Variants in ATG10 observed in about 807,000 individuals in gnomAD.
ATG10 encodes the protein ubiquitin-like-conjugating enzyme ATG10.
ATG10 carries 30 observed loss-of-function variants against 32.1 expected under a neutral mutation model. The observed-to-expected ratio is 0.94, with a 90% CI of 0.70 to 1.27. ATG10 has a LOEUF of 1.27. ATG10 is among the 50% of genes most tolerant of loss of function. The probability of loss-of-function intolerance (pLI) is 0.00; values close to 1 mark genes in which losing one functional copy is unlikely to be tolerated. For synonymous variants in ATG10, 87 were observed against 91.5 expected (o/e 0.95, Z 0.28); for missense variants, 233 against 262.3 (o/e 0.89, Z 0.77).
chr5:82,115,029 T>G (rs1175915097), intron 3 of ATG10, among the ~76,000 whole-genome samples: 2 of 152,098 alleles, frequency 1.3e-5, no homozygotes, highest in African/African-American at 4.8e-5. Context: ...TAAATAGTCA[T>G]GTGTGACTAG....
At chr5:82,158,671 G>A (rs146097207) in intron 3 of ATG10, among the ~76,000 whole-genome samples, 1,681 of 151,996 alleles carry the variant, frequency 0.011, 14 homozygotes, top group Non-Finnish European at 0.014. Context: ...CCAATCCCCC[G>A]TGTATACCTA....
intron 3 of ATG10, among the ~76,000 whole-genome samples, chr5:82,116,326 T>A (rs1765808511): frequency 6.6e-6 from 1 of 152,118 alleles, no homozygotes; most frequent in Non-Finnish European, 1.5e-5. Flanking sequence ...TAATTATGAT[T>A]ATTCAAGTAA....
chr5:82,211,656 C>T (rs994846953), intron 5 of ATG10, among the ~76,000 whole-genome samples: 2 of 152,244 alleles, frequency 1.3e-5, no homozygotes, highest in African/African-American at 4.8e-5. Flanking sequence ...AGGCTCAGGA[C>T]TCCTTCATCC....
At chr5:82,166,328 C>T (rs1267442437) in intron 4 of ATG10, among the ~76,000 whole-genome samples, 4 of 152,132 alleles carry the variant, frequency 2.6e-5, no homozygotes, top group South Asian at 2.1e-4. Flanking sequence ...TAGAAGCATT[C>T]GCCCCCCACC....
intron 2 of ATG10, among the ~76,000 whole-genome samples, chr5:82,034,374 T>C (rs1410585641): frequency 6.6e-6 from 1 of 152,190 alleles, no homozygotes; most frequent in Non-Finnish European, 1.5e-5. Flanking sequence ...CTTCCACATA[T>C]ATTCATACTC....
intron 3 of ATG10, among the ~76,000 whole-genome samples, chr5:82,162,836 G>A (rs574808465): frequency 1.3e-5 from 2 of 150,336 alleles, no homozygotes; most frequent in South Asian, 4.2e-4. Flanking sequence ...AAGCAGGGGC[G>A]GGGGTGGGGA....
chr5:82,137,078 C>G (rs1349077296), intron 3 of ATG10, among the ~76,000 whole-genome samples: 1 of 152,074 alleles, frequency 6.6e-6, no homozygotes, highest in Non-Finnish European at 1.5e-5. Context: ...TTGTGTTCTT[C>G]TCTAAACTCG....
At chr5:82,140,165 G>A (rs1767029371) in intron 3 of ATG10, among the ~76,000 whole-genome samples, 1 of 101,420 alleles carries the variant, frequency 9.9e-6, no homozygotes, top group Admixed American at 8.8e-5. Flanking sequence ...CCCTCTGCCC[G>A]GCCAGCCGCC....
chr5:82,098,362 G>A (rs551758144), intron 3 of ATG10, among the ~76,000 whole-genome samples: 38 of 148,248 alleles, frequency 2.6e-4, no homozygotes, highest in African/African-American at 8.7e-4. Flanking sequence ...CTCAGGCTGG[G>A]GTACAGTGGT....
intron 2 of ATG10, among the ~76,000 whole-genome samples, chr5:82,036,238 T>C (rs1311297031): frequency 1.3e-5 from 2 of 152,208 alleles, no homozygotes; most frequent in Non-Finnish European, 2.9e-5. Flanking sequence ...GGCCCTGTTT[T>C]CTAGAGTCTG....
At chr5:81,975,673 C>T (rs1760849831) in intron 1 of ATG10, among the ~76,000 whole-genome samples, 1 of 149,746 alleles carries the variant, frequency 6.7e-6, no homozygotes, top group Non-Finnish European at 1.5e-5. Flanking sequence ...CATAGTGAGA[C>T]CCCCCTCTCA....
intron 5 of ATG10, among the ~76,000 whole-genome samples, chr5:82,186,871 C>T (rs1186350561): frequency 2.0e-5 from 3 of 152,142 alleles, no homozygotes; most frequent in Non-Finnish European, 2.9e-5. Flanking sequence ...CGTGAGCCAC[C>T]GCGCCCAGCC....
intron 4 of ATG10, among the ~76,000 whole-genome samples, chr5:82,177,867 A>T (rs1459301911): frequency 6.6e-6 from 1 of 152,018 alleles, no homozygotes; most frequent in Non-Finnish European, 1.5e-5. Context: ...TGCCATAGAC[A>T]CCAAGTGTTA....
chr5:81,983,236 C>CT (rs1491201719), intron 1 of ATG10, among the ~76,000 whole-genome samples: 2,163 of 65,788 alleles, frequency 0.033, 62 homozygotes, highest in South Asian at 0.069. Context: ...TGGGGGCTGA[C>CT]CCCCCCCCCC....
chr5:82,051,106 C>G (rs78640351), intron 2 of ATG10, among the ~76,000 whole-genome samples: 12,547 of 152,128 alleles, frequency 0.082, 773 homozygotes, highest in African/African-American at 0.18. Flanking sequence ...AACCACCAAT[C>G]AAGGATCAAG....
intron 3 of ATG10, among the ~76,000 whole-genome samples, chr5:82,059,771 T>C (rs1763711199): frequency 6.6e-6 from 1 of 152,174 alleles, no homozygotes; most frequent in South Asian, 2.1e-4. Context: ...CAAGTAACTT[T>C]CACCTATTTA....
chr5:82,146,224 A>G (rs931385831), intron 3 of ATG10, among the ~76,000 whole-genome samples: 1 of 152,024 alleles, frequency 6.6e-6, no homozygotes, highest in African/African-American at 2.4e-5. Flanking sequence ...CAGATATAGA[A>G]TTTTTTAAAG....
At chr5:82,216,628 A>C (rs1053796365) in intron 5 of ATG10, among the ~76,000 whole-genome samples, 6 of 152,264 alleles carry the variant, frequency 3.9e-5, no homozygotes, top group African/African-American at 1.4e-4. Flanking sequence ...AGCAAAAGCC[A>C]CTTCTAGATA....
intron 5 of ATG10, among the ~76,000 whole-genome samples, chr5:82,211,665 C>G (rs1025920166): frequency 2.6e-5 from 4 of 152,228 alleles, no homozygotes; most frequent in Admixed American, 2.6e-4. Context: ...ACTCCTTCAT[C>G]CCTGTGGAAA....
Sources: allele counts gnomAD v4.1 joint callset (sites outside exome capture counted in the v4.1 genomes callset), GRCh38; gene constraint gnomAD v4.1.1; transcripts MANE v1.5; gene names NCBI Gene and HGNC (gene_info 2026-07-23, HGNC 2026-07-21).